The following PTPN14 variants were observed in gnomAD, a reference collection of about 807,000 sequenced individuals.
PTPN14 encodes the protein protein tyrosine phosphatase non-receptor type 14.
PTPN14 carries 53 observed loss-of-function variants against 126.8 expected under a neutral mutation model. The observed-to-expected ratio is 0.42, with a 90% CI of 0.34 to 0.53. The LOEUF (loss-of-function observed/expected upper bound fraction) is 0.53, where lower values mean the gene tolerates loss of function less well. Ranked by LOEUF, PTPN14 falls within the 20% of genes least tolerant of loss-of-function variation. The pLI is 0.08. For missense variants in PTPN14, 1,257 were observed against 1,552.9 expected (o/e 0.81, Z 3.20); for synonymous variants, 630 against 599.3 (o/e 1.05, Z -0.75).
At chr1:214,424,616 C>T (rs1478419231) in intron 3 of PTPN14, among the ~76,000 whole-genome samples, 1 of 152,000 alleles carries the variant, frequency 6.6e-6, no homozygotes, top group East Asian at 2.0e-4. Context: ...CAACCTCCAT[C>T]TCCCGGGTTC....
chr1:214,438,428 A>G (rs2102617478), intron 3 of PTPN14, among the ~76,000 whole-genome samples: 1 of 152,346 alleles, frequency 6.6e-6, no homozygotes, highest in Non-Finnish European at 1.5e-5. Flanking sequence ...GTCTATGATA[A>G]TAACACAAAA....
chr1:214,506,623 G>T (rs1489030574), intron 1 of PTPN14, among the ~76,000 whole-genome samples: 1 of 152,250 alleles, frequency 6.6e-6, no homozygotes, highest in Middle Eastern at 3.4e-3. Context: ...GTGACAAACG[G>T]TAAAAGTGAA....
Position 214,384,966 on chromosome 1 carries a change from A to G in PTPN14, c.1067-178T>C, listed in dbSNP as rs908885220. ...ACTATCTTGGATGAAATGCCAACAT[A>G]CAGAAAGAACACCTTAAGACATACT... is the stretch of plus-strand genomic sequence containing the variant. On this transcript the variant is annotated intron_variant, in intron 12 of 18. Coordinates refer to ENST00000366956, the MANE Select transcript of PTPN14 (RefSeq NM_005401.5). The surrounding 1 kb of genome is among the most constrained non-coding windows in gnomAD (Gnocchi z 5.3). Among the ~76,000 whole-genome samples, 1 of 152,236 alleles carries G rather than the reference A, an allele frequency of 6.6e-6. No individual in the cohort carries two copies. Among genetic ancestry groups the G allele is most frequent in the African/African-American group, 2.4e-5 (1 of 41,462 alleles).
At chr1:214,414,945 G>C (rs866469494) in intron 3 of PTPN14, among the ~76,000 whole-genome samples, 4 of 152,182 alleles carry the variant, frequency 2.6e-5, no homozygotes, top group South Asian at 4.1e-4. Flanking sequence ...CTGAGCTTGA[G>C]AGGATTCTCA....
chr1:214,507,835 C>T (rs1411718843), intron 1 of PTPN14, among the ~76,000 whole-genome samples: 2 of 152,070 alleles, frequency 1.3e-5, no homozygotes, highest in East Asian at 1.9e-4. Flanking sequence ...GCCAATGTTA[C>T]CTTAATTTTA....
rs562912214 is a variant in PTPN14, at chr1:214,515,862, T to G, written c.-155+35321A>C. Among the ~76,000 whole-genome samples, 489 of 152,310 alleles carry G rather than the reference T, an allele frequency of 3.2e-3. 2 individuals carry two copies. Among genetic ancestry groups the G allele is most frequent in the Non-Finnish European group, 5.0e-3 (340 of 68,022 alleles). ...CCATAAAAGGGATTTTCCTTTCTACTTCCTTCTCTTGAGAAATATCTTGCT... is the reference window on the plus strand; with the variant it reads ...CCATAAAAGGGATTTTCCTTTCTACGTCCTTCTCTTGAGAAATATCTTGCT... On this transcript the variant is annotated intron_variant, in intron 1 of 18. Transcript: ENST00000366956.
intron 1 of PTPN14, among the ~76,000 whole-genome samples, chr1:214,467,626 T>C (rs1660670739): frequency 1.3e-5 from 2 of 152,234 alleles, no homozygotes; most frequent in South Asian, 4.1e-4. Flanking sequence ...TCAGAGCTAC[T>C]TGATATTAAA....
intron 1 of PTPN14, chr1:214,532,633 G>A (rs924486779): frequency 1.2e-5 from 11 of 895,076 alleles, no homozygotes; most frequent in Admixed American, 3.4e-5. Flanking sequence ...TGCCTGCATC[G>A]TTCTGCAGAC....
chr1:214,383,730 C>T lies in PTPN14; in HGVS notation c.2125G>A (p.Glu709Lys), dbSNP rs201586556. 110 of 1,613,408 alleles carry T rather than the reference C, an allele frequency of 6.8e-5. No homozygotes were observed. The highest frequency in any genetic ancestry group is 9.0e-5 in the Non-Finnish European group (106 of 1,180,030). The change falls in exon 13 of 19, where the codon GAG (glutamate) becomes AAG (lysine). Residue 709 changes from glutamate to lysine, a missense_variant. This residue lies in a region of PTPN14 where 1,021 missense variants were observed against 1,183.3 expected (regional missense o/e 0.86). Coordinates refer to ENST00000366956, the MANE Select transcript of PTPN14 (RefSeq NM_005401.5). The surrounding 1 kb of genome is among the most constrained non-coding windows in gnomAD (Gnocchi z 4.4). The stretch of plus-strand genomic sequence containing the variant: ...GCCTCCTCCTCCTCCTCCTCACTCT[C>T]GCTGCTGTGGATTAGCATAGTGGCA... The part of the protein sequence containing the change: ...SDATMLIHSS[E>K]SEEEEEEAPE...
chr1:214,416,813 T>C (rs1176862458), intron 3 of PTPN14, among the ~76,000 whole-genome samples: 3 of 152,314 alleles, frequency 2.0e-5, no homozygotes, highest in African/African-American at 7.2e-5. Flanking sequence ...GGCAGTTTTA[T>C]AAAATATTAT....
intron 2 of PTPN14, among the ~76,000 whole-genome samples, chr1:214,453,895 T>C (rs1387313519): frequency 1.3e-5 from 2 of 152,192 alleles, no homozygotes; most frequent in Admixed American, 1.3e-4. Flanking sequence ...AGAGATGATA[T>C]TGGGACACTG....
intron 1 of PTPN14, among the ~76,000 whole-genome samples, chr1:214,540,643 C>T (rs1323151786): frequency 6.6e-6 from 1 of 152,124 alleles, no homozygotes; most frequent in Admixed American, 6.5e-5. Context: ...CCAACTGGGA[C>T]TCACACACGT....
At chr1:214,368,713 T>C (rs1042171551) in intron 17 of PTPN14, among the ~76,000 whole-genome samples, 2 of 152,128 alleles carry the variant, frequency 1.3e-5, no homozygotes, top group Non-Finnish European at 2.9e-5. Context: ...CTGGGCACAG[T>C]GGCTCACACC....
chr1:214,546,311 A>T (rs1655967865), intron 1 of PTPN14, among the ~76,000 whole-genome samples: 1 of 152,236 alleles, frequency 6.6e-6, no homozygotes, highest in South Asian at 2.1e-4. Flanking sequence ...GGAGGTTGAC[A>T]ATCTACTGCC....
chr1:214,493,149 GGGTCCT>G (rs111372512), intron 1 of PTPN14, among the ~76,000 whole-genome samples: 18 of 152,294 alleles, frequency 1.2e-4, no homozygotes, highest in African/African-American at 4.3e-4. Context: ...CAGGGCAGAG[GGGTCCT>G]GGGTGCGAGG....
intron 1 of PTPN14, among the ~76,000 whole-genome samples, chr1:214,524,346 T>C (rs556059806): frequency 6.6e-6 from 1 of 152,166 alleles, no homozygotes; most frequent in East Asian, 1.9e-4. Flanking sequence ...AGTATGCACG[T>C]ATCAAGGCAG....
intron 5 of PTPN14, among the ~76,000 whole-genome samples, chr1:214,407,777 C>T (rs1314334466): frequency 6.6e-6 from 1 of 152,162 alleles, no homozygotes; most frequent in African/African-American, 2.4e-5. Flanking sequence ...CTTTCACTAA[C>T]ACCTAAATTA....
intron 1 of PTPN14, among the ~76,000 whole-genome samples, chr1:214,490,057 C>G (rs1045842227): frequency 6.6e-6 from 1 of 152,186 alleles, no homozygotes; most frequent in South Asian, 2.1e-4. Context: ...TTATAATAAA[C>G]CACTTTGCCC....
chr1:214,496,616 C>T (rs1654523122), intron 1 of PTPN14, among the ~76,000 whole-genome samples: 2 of 152,148 alleles, frequency 1.3e-5, no homozygotes, highest in African/African-American at 4.8e-5. Context: ...CCTGTATATT[C>T]TTTTTAAACA....
Sources: gnomAD v4.1 joint callset for allele counts (sites outside exome capture counted in the v4.1 genomes callset) on GRCh38, gnomAD v4.1.1 for gene constraint, gnomAD v4.1.1 regional missense constraint, Gnocchi (gnomAD v3.1) non-coding constraint, MANE v1.5 for transcripts, NCBI Gene and HGNC (gene_info 2026-07-23, HGNC 2026-07-21) for gene names.